The following PDE6A variants were observed in gnomAD, a reference collection of about 807,000 sequenced individuals.
PDE6A encodes the protein rod cGMP-specific 3',5'-cyclic phosphodiesterase subunit alpha.
A neutral mutation model predicts 106.3 loss-of-function variants in PDE6A; 84 were observed. The ratio of observed to expected loss-of-function variants is 0.79; its 90% confidence interval spans 0.66 to 0.95. The LOEUF (loss-of-function observed/expected upper bound fraction) is 0.95. Ranked by LOEUF, PDE6A falls within the 40% of genes least tolerant of loss-of-function variation. The pLI, the probability that PDE6A is intolerant of heterozygous loss-of-function variation, is 0.00. For synonymous variants in PDE6A, 394 were observed against 386.6 expected (o/e 1.02, Z -0.23); for missense variants, 1,052 against 1,084.9 (o/e 0.97, Z 0.43).
chr5:149,874,735 C>CCA (rs1760679057), intron 17 of PDE6A, among the ~76,000 whole-genome samples: 1 of 152,118 alleles, frequency 6.6e-6, no homozygotes, highest in Non-Finnish European at 1.5e-5. Context: ...TAGGGTCCTG[C>CCA]CAAGAGTCAT....
chr5:149,906,519 C>CAAAAAACAAAAAAAAAAAAAAAAAAAAAA (rs1753189195), intron 7 of PDE6A, among the ~76,000 whole-genome samples: 1 of 54,204 alleles, frequency 1.8e-5, no homozygotes, highest in Admixed American at 2.1e-4. Flanking sequence ...GAGACACTGT[C>CAAAAAACAAAAAAAAAAAAAAAAAAAAAA]AAAAAAAAAA....
chr5:149,922,863 C>T (rs1753760873), intron 4 of PDE6A, among the ~76,000 whole-genome samples: 2 of 152,220 alleles, frequency 1.3e-5, no homozygotes, highest in South Asian at 4.1e-4. Flanking sequence ...GAGGCTATCT[C>T]TGTTCTTCCA....
chr5:149,909,822 T>C (rs1304746009), intron 6 of PDE6A, among the ~76,000 whole-genome samples: 1 of 152,250 alleles, frequency 6.6e-6, no homozygotes, highest in Admixed American at 6.5e-5. Context: ...TAATTGATTC[T>C]TTTATCCATA....
At chr5:149,878,051 G>A (rs1222945796) in intron 17 of PDE6A, among the ~76,000 whole-genome samples, 1 of 152,232 alleles carries the variant, frequency 6.6e-6, no homozygotes. Flanking sequence ...AATGTGGGAA[G>A]ATTCAAGAAA....
chr5:149,866,121 C>G, intron 20 of PDE6A, 49 bp downstream of exon 20: 4 of 1,334,730 alleles, frequency 3.0e-6, no homozygotes, highest in Non-Finnish European at 4.3e-6. Context: ...CTGGAAATCC[C>G]AGGTTTATCA....
Position 149,898,421 on chromosome 5 carries a change from A to G in PDE6A, c.1349T>C (p.Phe450Ser), listed in dbSNP as rs185588836. Reference protein sequence around the residue: ...MNKLENRKDIFQDIVKYHVKC... With the variant: ...MNKLENRKDISQDIVKYHVKC... ...CACATGATATTTTACTATGTCCTGG[A>G]AAATATCCTTCCTATTTTCAAGTTT... Residue 450 changes from phenylalanine (F) to serine (S), a missense_variant, in exon 10 of 22, where the codon TTC becomes TCC. Coordinates refer to ENST00000255266, the MANE Select transcript of PDE6A (RefSeq NM_000440.3). 75 of 1,613,390 alleles carry G rather than the reference A, an allele frequency of 4.6e-5. No homozygotes were observed. In the East Asian group the frequency reaches 1.6e-3, roughly 35 times the overall value.
At chr5:149,861,620 A>G (rs1211999292) in intron 21 of PDE6A, among the ~76,000 whole-genome samples, 1 of 152,236 alleles carries the variant, frequency 6.6e-6, no homozygotes. Context: ...ACTGCGCTCC[A>G]GCCTGGGCAA....
chr5:149,929,609 AAAATAAATAAAT>A (rs370987088), intron 4 of PDE6A, among the ~76,000 whole-genome samples: 20 of 145,392 alleles, frequency 1.4e-4, no homozygotes, highest in South Asian at 2.2e-4. Flanking sequence ...TCCGTCTCAA[AAAATAAATAAAT>A]AAATAAATAA....
intron 12 of PDE6A, 116 bp from the exon 13 acceptor site, chr5:149,895,406 G>A: frequency 1.3e-6 from 1 of 757,198 alleles, no homozygotes; most frequent in Non-Finnish European, 2.4e-6. Flanking sequence ...GAGGTTTGAG[G>A]TACTCTAACC....
chr5:149,911,892 A>ATG (rs1561757182), intron 6 of PDE6A, among the ~76,000 whole-genome samples: 4 of 148,742 alleles, frequency 2.7e-5, no homozygotes, highest in African/African-American at 1.0e-4. Context: ...GGTGGCTCAC[A>ATG]CCTGTAATCC....
intron 13 of PDE6A, among the ~76,000 whole-genome samples, chr5:149,889,848 A>G (rs1190564590): frequency 6.8e-6 from 1 of 148,002 alleles, no homozygotes; most frequent in East Asian, 2.2e-4. Flanking sequence ...CAGAGGTTGC[A>G]GTGAGCTGAG....
In PDE6A at chr5:149,931,116, C is replaced by T. The variant is rs1423315104; in HGVS notation, c.770G>A (p.Arg257Gln). 42 of 1,613,968 alleles carry T rather than the reference C, an allele frequency of 2.6e-5. No homozygotes were observed. The highest frequency in any genetic ancestry group is 3.5e-5 in the Non-Finnish European group (41 of 1,179,980). Reference sequence around the variant, plus strand: ...TGTGTACAGGGCTTTGTGGAACTGTCGTTCGATGTCCGTAAGTTCTTCAAA... The same window carrying T: ...TGTGTACAGGGCTTTGTGGAACTGTTGTTCGATGTCCGTAAGTTCTTCAAA... ...KVFEELTDIERQFHKALYTVR... is the reference protein window; with the variant it reads ...KVFEELTDIEQQFHKALYTVR... The change falls in exon 4 of 22, where the codon CGA becomes CAA. Residue 257 changes from arginine to glutamine, a missense_variant. Arg to Gln is a conservative substitution (Grantham distance 43). Around this residue, in one of 3 missense-constraint regions of PDE6A, gnomAD observed 913 missense variants for 915.2 expected, o/e 1.00. Transcript: ENST00000255266.
intron 12 of PDE6A, 85 bp downstream of exon 12, chr5:149,896,271 G>A: frequency 9.1e-7 from 1 of 1,096,838 alleles, no homozygotes; most frequent in South Asian, 1.3e-5. Context: ...TCTTTTTAAG[G>A]TAGTTTACAG....
chr5:149,886,482 C>G lies in PDE6A; in HGVS notation c.1729-108G>C, dbSNP rs542762662. On this transcript the variant is annotated intron_variant, in intron 13 of 21. Coordinates refer to ENST00000255266, the MANE Select transcript of PDE6A (RefSeq NM_000440.3). ...GCCCAGAACTAAAAAACTCATGGGT[C>G]TGATCTTGGCTGTATCCTGGCTCCA... is the stretch of plus-strand genomic sequence containing the variant. 7.7e-4 allele frequency: 603 copies of G among 782,016 alleles called. 2 individuals carry two copies. The highest frequency in any genetic ancestry group is 1.6e-4 in the Non-Finnish European group (74 of 452,464). The allele number at this position is 782,016 out of a possible 1,614,324, so 48.4% of individuals were successfully genotyped here. A position where few individuals can be genotyped will look rare whatever the true frequency, so the allele number is the denominator to read the frequency against.
intron 17 of PDE6A, among the ~76,000 whole-genome samples, chr5:149,870,164 C>T (rs1760481372): frequency 6.6e-6 from 1 of 152,002 alleles, no homozygotes; most frequent in Non-Finnish European, 1.5e-5. Context: ...TGGCATGTGC[C>T]CGTAGTCCCA....
intron 7 of PDE6A, among the ~76,000 whole-genome samples, chr5:149,904,453 G>A (rs980777937): frequency 6.6e-6 from 1 of 152,140 alleles, no homozygotes; most frequent in African/African-American, 2.4e-5. Context: ...CCAGAGCACT[G>A]TGGGGCCACC....
chr5:149,930,624 G>A (rs1754004803), intron 4 of PDE6A, among the ~76,000 whole-genome samples: 1 of 152,170 alleles, frequency 6.6e-6, no homozygotes. Context: ...AATTGCCTGG[G>A]TGAGCTCTGG....
chr5:149,876,913 T>TGATA (rs201047279), intron 17 of PDE6A, among the ~76,000 whole-genome samples: 11,948 of 151,344 alleles, frequency 0.079, 1,255 homozygotes, highest in African/African-American at 0.24. Flanking sequence ...TGATGAGAGA[T>TGATA]GATAGATAGA....
chr5:149,860,738 G>A lies in PDE6A; in HGVS notation c.*157C>T. The A allele has an allele frequency of 1.7e-6, 1 of 591,764 alleles. No homozygotes were observed. Among genetic ancestry groups the A allele is most frequent in the South Asian group, 2.4e-5 (1 of 42,348 alleles). 36.7% of individuals were successfully genotyped at this position (591,764 alleles called of 1,614,324 possible). ...GACAATTCTTCCAATGTGGCCCAGG[G>A]AAGCCAAAAGATTGAACAGTCCTGG... On this transcript the variant is annotated 3_prime_UTR_variant, in exon 22 of 22. Coordinates refer to ENST00000255266, the MANE Select transcript of PDE6A (RefSeq NM_000440.3).
Sources: gnomAD v4.1 joint callset for allele counts (sites outside exome capture counted in the v4.1 genomes callset) on GRCh38, gnomAD v4.1.1 for gene constraint, gnomAD v4.1.1 regional missense constraint, MANE v1.5 for transcripts, NCBI Gene and HGNC (gene_info 2026-07-23, HGNC 2026-07-21) for gene names.